The following HECTD4 variants were observed in gnomAD, a reference collection of about 807,000 sequenced individuals.
The protein encoded by HECTD4 is HECT domain E3 ubiquitin protein ligase 4.
HECTD4 carries 114 observed loss-of-function variants against 471.5 expected under a neutral mutation model. That is an observed-to-expected ratio of 0.24 (90% CI 0.21 to 0.28). HECTD4 has a LOEUF of 0.28. Among genes scored for constraint, HECTD4 ranks in the 10% least tolerant of loss-of-function variants. HECTD4 has a pLI of 1.00. For synonymous variants in HECTD4, 2,012 were observed against 2,256.0 expected (o/e 0.89, Z 3.07); for missense variants, 3,866 against 5,651.5 (o/e 0.68, Z 10.13).
At chr12:112,236,892 C>G (rs2033520735) in intron 35 of HECTD4, 53 bp downstream of exon 35, 3 of 1,447,006 alleles carry the variant, frequency 2.1e-6, no homozygotes, top group Non-Finnish European at 1.8e-6. Context: ...AAACCCCAAT[C>G]GTTCAAGAGG....
At chr12:112,233,141 G>A (rs1210386120) in intron 37 of HECTD4, 56 bp from the exon 38 acceptor site, 3 of 1,444,450 alleles carry the variant, frequency 2.1e-6, no homozygotes, top group Non-Finnish European at 2.9e-6. Context: ...CCAAAAGTGG[G>A]CTGCATGCCA....
chr12:112,243,398 G>A lies in HECTD4; in HGVS notation c.4913C>T (p.Thr1638Met), dbSNP rs1566084870. ...LTAAVRVGGV[T>M]HLVGPVTMVL... ...CATCGTCACTGGACCCACAAGATGC[G>A]TCACTCCCCCGACTCGTACGGCAGC... Residue 1638 changes from threonine (T) to methionine (M), a missense_variant, in exon 32 of 76, where the codon ACG becomes ATG. By Grantham distance (81) the Thr-to-Met change is moderately conservative. Around this residue, in one of 16 missense-constraint regions of HECTD4, gnomAD observed 229 missense variants for 386.4 expected, o/e 0.59. Transcript: ENST00000682272. The surrounding 1 kb of genome is among the most constrained non-coding windows in gnomAD (Gnocchi z 6.6). 7 of 1,612,590 alleles carry A rather than the reference G, an allele frequency of 4.3e-6. No individual in the cohort carries two copies. The highest frequency in any genetic ancestry group is 5.1e-6 in the Non-Finnish European group (6 of 1,179,308).
intron 1 of HECTD4, among the ~76,000 whole-genome samples, chr12:112,362,063 G>A (rs1400027786): frequency 1.3e-5 from 2 of 152,180 alleles, no homozygotes; most frequent in Non-Finnish European, 2.9e-5. Flanking sequence ...CAATTACAAT[G>A]TATGTAGGAA....
intron 7 of HECTD4, among the ~76,000 whole-genome samples, chr12:112,285,460 C>T (rs1481788570): frequency 2.6e-5 from 4 of 151,872 alleles, no homozygotes; most frequent in African/African-American, 9.7e-5. Context: ...ACCCAGAGCA[C>T]ATCATGCTGT....
intron 1 of HECTD4, among the ~76,000 whole-genome samples, chr12:112,362,855 C>T (rs1057274810): frequency 1.3e-5 from 2 of 152,056 alleles, no homozygotes; most frequent in Non-Finnish European, 2.9e-5. Flanking sequence ...GCACACATCA[C>T]CATGCCCGGC....
Position 112,262,515 on chromosome 12 carries a change from C to CAAAAAAAAAAAA in HECTD4, c.2749-1098_2749-1087dup, listed in dbSNP as rs758273849. Among the ~76,000 whole-genome samples the CAAAAAAAAAAAA allele has an allele frequency of 1.7e-3, 34 of 19,758 alleles. 10 individuals are homozygous for CAAAAAAAAAAAA. Among genetic ancestry groups the CAAAAAAAAAAAA allele is most frequent in the African/African-American group, 4.3e-3 (30 of 7,032 alleles). 13.0% of individuals were successfully genotyped at this position (19,758 alleles called of 152,430 possible). ...TGGGCGACAAAGAGAGACTCCATCT[C>CAAAAAAAAAAAA]AAAAAAAAAAAAAAAAAAAAAAAAA... On this transcript the variant is annotated intron_variant, in intron 17 of 75. Coordinates refer to ENST00000682272, the MANE Select transcript of HECTD4 (RefSeq NM_001388303.1).
chr12:112,331,469 T>C (rs1234288144), intron 1 of HECTD4, among the ~76,000 whole-genome samples: 2 of 152,214 alleles, frequency 1.3e-5, no homozygotes, highest in African/African-American at 2.4e-5. Flanking sequence ...CCTCTGCAAA[T>C]AACTCTCCCT....
intron 1 of HECTD4, chr12:112,322,307 G>GCA (rs2035600021): frequency 6.6e-6 from 1 of 151,890 alleles, no homozygotes; most frequent in African/African-American, 2.4e-5. Context: ...GGAGTTCAAG[G>GCA]CTGCAGTGAG....
Position 112,163,388 on chromosome 12 carries a change from C to T in HECTD4, c.12898-124G>A, listed in dbSNP as rs2030781300. 1.9e-6 allele frequency: 2 copies of T among 1,076,898 alleles called. 1 individual carries two copies. The highest frequency in any genetic ancestry group is 2.7e-6 in the Non-Finnish European group (2 of 752,480). The allele number at this position is 1,076,898 out of a possible 1,614,324, so 66.7% of individuals were successfully genotyped here. ...GGGTGCAACGTGTGGGCTGTGAGCA[C>T]AGGGAGATGACAATGATGACAATGA... On this transcript the variant is annotated intron_variant, in intron 74 of 75. Transcript: ENST00000682272. This position sits in a 1 kb window ranked among gnomAD's most constrained non-coding sequence, Gnocchi z 8.2.
chr12:112,308,940 AC>A, intron 5 of HECTD4, 49 bp from the exon 6 acceptor site: 8 of 1,514,408 alleles, frequency 5.3e-6, no homozygotes, highest in Non-Finnish European at 7.0e-6. Flanking sequence ...TATGTCAGAA[AC>A]CCCACACAAG....
chr12:112,306,203 T>C lies in HECTD4; in HGVS notation c.1196A>G (p.His399Arg). The C allele has an allele frequency of 6.3e-7, 1 of 1,582,618 alleles. No individual in the cohort carries two copies. The highest frequency in any genetic ancestry group is 1.2e-5 in the South Asian group (1 of 84,938). Reference protein sequence around the residue: ...VCQVVPMPANHLPIGSTMSTV... With the variant: ...VCQVVPMPANRLPIGSTMSTV... ...GCTCATGGTGCTGCCAATGGGGAGGTGATTGGCTGGCATTGGCACCACCTG... is the reference window on the plus strand; with the variant it reads ...GCTCATGGTGCTGCCAATGGGGAGGCGATTGGCTGGCATTGGCACCACCTG... The change falls in exon 7 of 76, where the codon CAC becomes CGC. Residue 399 changes from histidine to arginine, a missense_variant. His to Arg is a conservative substitution (Grantham distance 29). Transcript: ENST00000682272.
chr12:112,297,219 TGGATGTAGGTGCAGA>T (rs1182608607), intron 7 of HECTD4, among the ~76,000 whole-genome samples: 1 of 135,284 alleles, frequency 7.4e-6, no homozygotes, highest in African/African-American at 2.9e-5. Flanking sequence ...GTAGATGCAG[TGGATGTAGGTGCAGA>T]GGATGTAAGT....
chr12:112,372,808 G>A (rs1457881299), intron 1 of HECTD4, among the ~76,000 whole-genome samples: 1 of 152,082 alleles, frequency 6.6e-6, no homozygotes, highest in Non-Finnish European at 1.5e-5. Context: ...CCAGGCTGGA[G>A]TACAGTGACA....
chr12:112,182,843 GACAA>G (rs2031727141), intron 62 of HECTD4, among the ~76,000 whole-genome samples: 1 of 152,240 alleles, frequency 6.6e-6, no homozygotes, highest in Admixed American at 6.5e-5. Flanking sequence ...AGCCCCCACT[GACAA>G]ACAATGGAGC....
intron 41 of HECTD4, among the ~76,000 whole-genome samples, chr12:112,229,327 A>AAAACAAACAAACAAAC (rs111958992): frequency 1.3e-5 from 2 of 151,208 alleles, no homozygotes; most frequent in Non-Finnish European, 2.9e-5. Context: ...ACTCTGTCTC[A>AAAACAAACAAACAAAC]AAACAAACAA....
intron 1 of HECTD4, among the ~76,000 whole-genome samples, chr12:112,325,112 C>T (rs1437589250): frequency 6.6e-6 from 1 of 152,092 alleles, no homozygotes; most frequent in Admixed American, 6.5e-5. Flanking sequence ...ATGTGTATGA[C>T]AAAATCTGTT....
chr12:112,288,708 CATG>C (rs749772303), intron 7 of HECTD4, among the ~76,000 whole-genome samples: 13 of 152,200 alleles, frequency 8.5e-5, no homozygotes, highest in Non-Finnish European at 1.8e-4. Flanking sequence ...AACCAGCTTC[CATG>C]ATGTCGAGCT....
Position 112,381,752 on chromosome 12 carries a change from A to AGGAG in HECTD4, c.177+196_177+199dup, listed in dbSNP as rs1357376843. Among the ~76,000 whole-genome samples, 1 of 151,356 alleles carries AGGAG rather than the reference A, an allele frequency of 6.6e-6. No homozygotes were observed. The highest frequency in any genetic ancestry group is 1.5e-5 in the Non-Finnish European group (1 of 67,792). On this transcript the variant is annotated intron_variant, in intron 1 of 75. Transcript: ENST00000682272. This position sits in a 1 kb window ranked among gnomAD's most constrained non-coding sequence, Gnocchi z 4.1. ...AATCCCCTGCGGGCGCCAGGCCCCG[A>AGGAG]GGAGGGAGGGAGGGAGAGCGGGGCG... is the stretch of plus-strand genomic sequence containing the variant.
intron 64 of HECTD4, among the ~76,000 whole-genome samples, chr12:112,177,356 T>C (rs2031486013): frequency 6.6e-6 from 1 of 151,712 alleles, no homozygotes; most frequent in African/African-American, 2.4e-5. Context: ...TGCATATCCA[T>C]ACATGGAATG....
Sources: allele counts gnomAD v4.1 joint callset (sites outside exome capture counted in the v4.1 genomes callset), GRCh38; gene constraint gnomAD v4.1.1; regional missense constraint gnomAD v4.1.1; non-coding constraint Gnocchi (gnomAD v3.1); transcripts MANE v1.5; gene names NCBI Gene and HGNC (gene_info 2026-07-23, HGNC 2026-07-21).